Variants in SLC44A5 observed in about 807,000 individuals in gnomAD.
The protein encoded by SLC44A5 is solute carrier family 44 member 5.
A neutral mutation model predicts 101.8 loss-of-function variants in SLC44A5; 57 were observed. That is an observed-to-expected ratio of 0.56 (90% CI 0.45 to 0.70). The LOEUF is 0.70. Ranked by LOEUF, SLC44A5 falls within the 30% of genes least tolerant of loss-of-function variation. The pLI is 0.00. For missense variants in SLC44A5, 737 were observed against 853.1 expected (o/e 0.86, Z 1.70); for synonymous variants, 281 against 290.9 (o/e 0.97, Z 0.35).
At chr1:75,469,659 C>T (rs1666998882) in intron 2 of SLC44A5, among the ~76,000 whole-genome samples, 1 of 151,996 alleles carries the variant, frequency 6.6e-6, no homozygotes, top group Non-Finnish European at 1.5e-5. Flanking sequence ...TGGCTTATGC[C>T]TGTAATTCCA....
chr1:75,328,512 T>G (rs981044294), intron 4 of SLC44A5, among the ~76,000 whole-genome samples: 5 of 152,106 alleles, frequency 3.3e-5, no homozygotes, highest in African/African-American at 1.2e-4. Context: ...AAAAAGAAAC[T>G]GGACACCATG....
chr1:75,645,308 T>C, the SLC44A5 span, among the ~76,000 whole-genome samples: 1 of 152,232 alleles, frequency 6.6e-6, no homozygotes, highest in Non-Finnish European at 1.5e-5. Context: ...GATTTTTTAA[T>C]GATCGCCATT....
chr1:75,623,572 A>G, the SLC44A5 span, among the ~76,000 whole-genome samples: 6 of 152,256 alleles, frequency 3.9e-5, no homozygotes, highest in South Asian at 2.1e-4. Flanking sequence ...CAAAAATTTG[A>G]AAGTCTCAAA....
At chr1:75,416,703 A>G (rs1481627896) in intron 2 of SLC44A5, among the ~76,000 whole-genome samples, 1 of 152,214 alleles carries the variant, frequency 6.6e-6, no homozygotes, top group Non-Finnish European at 1.5e-5. Flanking sequence ...AGAGCTGCCT[A>G]AGACCATGGG....
intron 2 of SLC44A5, among the ~76,000 whole-genome samples, chr1:75,520,346 T>G (rs146763201): frequency 6.6e-6 from 1 of 152,272 alleles, no homozygotes; most frequent in African/African-American, 2.4e-5. Context: ...GTTTTTAAAT[T>G]GGGATGGGCA....
At chr1:75,491,512 A>G (rs758678431) in intron 2 of SLC44A5, among the ~76,000 whole-genome samples, 1 of 152,208 alleles carries the variant, frequency 6.6e-6, no homozygotes, top group Non-Finnish European at 1.5e-5. Context: ...GTATACATAT[A>G]AGAAACAGGA....
At chr1:75,722,379 T>C in the SLC44A5 span, among the ~76,000 whole-genome samples, 1 of 152,272 alleles carries the variant, frequency 6.6e-6, no homozygotes, top group African/African-American at 2.4e-5. Context: ...GCCGAAACAA[T>C]GAGGTTCGTG....
Position 75,300,614 on chromosome 1 carries a change from A to G in SLC44A5, c.173T>C (p.Val58Ala). 1 of 1,597,188 alleles carries G rather than the reference A, an allele frequency of 6.3e-7. No homozygotes were observed. The highest frequency in any genetic ancestry group is 8.5e-7 in the Non-Finnish European group (1 of 1,170,068). Residue 58 changes from valine to alanine, a missense_variant and splice_region_variant, in exon 5 of 24, where the codon GTG (valine) becomes GCG (alanine). By Grantham distance (64) the Val-to-Ala change is moderately conservative. Coordinates refer to ENST00000370859, the MANE Select transcript of SLC44A5 (RefSeq NM_001130058.2). ...TTTCTATACCTGTATTTACTCACCCACAAGTCCTAAAACAATGTAGCCAAT... is the reference window on the plus strand; with the variant it reads ...TTTCTATACCTGTATTTACTCACCCGCAAGTCCTAAAACAATGTAGCCAAT... ...CIIGYIVLGLVAWVHGDPRRA... is the reference protein window; with the variant it reads ...CIIGYIVLGLAAWVHGDPRRA...
intron 2 of SLC44A5, among the ~76,000 whole-genome samples, chr1:75,473,854 C>G (rs1667241304): frequency 1.3e-5 from 2 of 152,210 alleles, no homozygotes; most frequent in East Asian, 1.9e-4. Flanking sequence ...TCCAGCCTAG[C>G]TGGTGGCAGT....
intron 23 of SLC44A5, 27 bp from the exon 24 acceptor site, chr1:75,203,860 A>T: frequency 6.5e-7 from 1 of 1,531,954 alleles, no homozygotes; most frequent in Non-Finnish European, 8.8e-7. Context: ...TACAGAGTAA[A>T]TATCAAAGCA....
intron 2 of SLC44A5, among the ~76,000 whole-genome samples, chr1:75,510,207 A>G (rs1055712090): frequency 2.0e-5 from 3 of 152,160 alleles, no homozygotes; most frequent in Non-Finnish European, 4.4e-5. Context: ...ACAGCCAAAC[A>G]ATATCACTAT....
chr1:75,300,399 G>A (rs1395032726), intron 5 of SLC44A5, among the ~76,000 whole-genome samples: 1 of 152,100 alleles, frequency 6.6e-6, no homozygotes, highest in Non-Finnish European at 1.5e-5. Flanking sequence ...ATTTACTTAA[G>A]TAATTTGGGC....
intron 9 of SLC44A5, among the ~76,000 whole-genome samples, chr1:75,240,922 T>C (rs891306779): frequency 7.2e-5 from 11 of 152,198 alleles, no homozygotes; most frequent in East Asian, 1.9e-4. Flanking sequence ...CTTGTGGTTA[T>C]TTATTTGTTT....
intron 5 of SLC44A5, among the ~76,000 whole-genome samples, chr1:75,296,147 C>T (rs1653941052): frequency 6.6e-6 from 1 of 152,082 alleles, no homozygotes; most frequent in Non-Finnish European, 1.5e-5. Context: ...GATGCCATTC[C>T]TTTAATCCTT....
chr1:75,722,293 TC>T, the SLC44A5 span, among the ~76,000 whole-genome samples: 1 of 152,306 alleles, frequency 6.6e-6, no homozygotes, highest in South Asian at 2.1e-4. Flanking sequence ...GACTTTCCTT[TC>T]CGTCTAATTA....
the SLC44A5 span, among the ~76,000 whole-genome samples, chr1:75,654,036 GA>G: frequency 6.6e-6 from 1 of 152,140 alleles, no homozygotes; most frequent in Non-Finnish European, 1.5e-5. Context: ...TTTAGAAATG[GA>G]TAGCATTCAG....
intron 2 of SLC44A5, among the ~76,000 whole-genome samples, chr1:75,467,281 A>G (rs1232515576): frequency 6.6e-6 from 1 of 152,192 alleles, no homozygotes; most frequent in Non-Finnish European, 1.5e-5. Context: ...ATTCAATTCA[A>G]TCACTATCAA....
At chr1:75,653,065 C>G in the SLC44A5 span, among the ~76,000 whole-genome samples, 1 of 152,188 alleles carries the variant, frequency 6.6e-6, no homozygotes, top group Admixed American at 6.5e-5. Context: ...TCATTCTACT[C>G]AGATGACTGA....
At chr1:75,428,483 A>G (rs1214692655) in intron 2 of SLC44A5, among the ~76,000 whole-genome samples, 1 of 152,182 alleles carries the variant, frequency 6.6e-6, no homozygotes, top group Non-Finnish European at 1.5e-5. Context: ...ACCAGTTGGA[A>G]CTCATGAAAT....
Sources: gnomAD v4.1 joint callset for allele counts (sites outside exome capture counted in the v4.1 genomes callset) on GRCh38, gnomAD v4.1.1 for gene constraint, MANE v1.5 for transcripts, NCBI Gene and HGNC (gene_info 2026-07-23, HGNC 2026-07-21) for gene names.